Variants in MLLT6 observed in about 807,000 individuals in gnomAD.
The protein encoded by MLLT6 is MLLT6, PHD finger containing, also known as protein AF-17.
Under a neutral mutation model 103.0 loss-of-function variants are expected in MLLT6, and 22 were observed. The ratio of observed to expected loss-of-function variants is 0.21; its 90% CI spans 0.15 to 0.31. The LOEUF (loss-of-function observed/expected upper bound fraction) is 0.31. Ranked by LOEUF, MLLT6 falls within the 10% of genes least tolerant of loss-of-function variation. MLLT6 has a pLI of 1.00. For missense variants in MLLT6, 1,199 were observed against 1,441.7 expected, an observed-to-expected ratio of 0.83 and a Z score of 2.73; for synonymous variants, 606 against 623.5, an observed-to-expected ratio of 0.97 and a Z score of 0.42.
rs1906043229 is a variant in MLLT6, at chr17:38,726,560, TAACA to T, written c.*967_*970del. The T allele has an allele frequency of 4.3e-6, 1 of 233,580 alleles. No homozygotes were observed. The highest frequency in any genetic ancestry group is 8.5e-6 in the Non-Finnish European group (1 of 118,080). The allele number at this position is 233,580 out of a possible 1,614,324, so 14.5% of individuals were successfully genotyped here. ...GTCCCTCTCTGGGGGCATGAATGGT[TAACA>T]AACACCAGAGCAGTACTCCAATATT... On this transcript the variant is annotated 3_prime_UTR_variant, in exon 20 of 20. Transcript: ENST00000621332.
At chr17:38,720,287 G>A in intron 14 of MLLT6, 85 bp from the exon 15 acceptor site, 8 of 1,311,714 alleles carry the variant, frequency 6.1e-6, no homozygotes, top group Non-Finnish European at 8.3e-6. Flanking sequence ...GCTGAGCACT[G>A]GCTCCCCTCC....
intron 8 of MLLT6, chr17:38,715,307 C>G (rs1905287336): frequency 2.9e-6 from 1 of 349,520 alleles, no homozygotes; most frequent in African/African-American, 2.1e-5. Flanking sequence ...GAGTAAATCT[C>G]TTCAGACTCT....
intron 8 of MLLT6, among the ~76,000 whole-genome samples, chr17:38,714,957 G>A (rs1237299530): frequency 6.6e-6 from 1 of 152,152 alleles, no homozygotes; most frequent in African/African-American, 2.4e-5. Flanking sequence ...GGAAATAAGG[G>A]GACAGAATGT....
rs146464000 is a variant in MLLT6 at position 38,711,996 on chromosome 17, C to T, written c.702C>T (p.His234=). 3,581 of 1,590,304 alleles carry T rather than the reference C, an allele frequency of 2.3e-3. 80 individuals are homozygous for T. In the African/African-American group the frequency reaches 0.043, roughly 19 times the overall value. Residue 234 remains histidine, a synonymous_variant, in exon 7 of 20, where the codon CAC becomes CAT. Transcript: ENST00000621332. The part of the protein sequence containing the change: ...STQQEKHPTH[H]ERGQKKSRKD... The stretch of plus-strand genomic sequence containing the variant: ...AGCAGGAGAAGCACCCCACCCACCA[C>T]GAGAGGGGCCAGAAGAAGGTAGAAG...
intron 7 of MLLT6, 52 bp from the exon 8 acceptor site, chr17:38,712,639 C>T (rs1460175135): frequency 1.6e-6 from 2 of 1,220,682 alleles, no homozygotes; most frequent in African/African-American, 1.5e-5. Context: ...TCATGTTTGT[C>T]CTCGCCCAGA....
At position 38,724,603 on chromosome 17, in the gene MLLT6, G is replaced by A. The variant is rs376779156; in HGVS notation, c.2884-17G>A. Reference sequence around the variant, plus strand: ...CCCCGGGACTGTTGGCCAACAAGCGGTCTGGCCCCCTTGCAGGAACACCAG... The same window carrying A: ...CCCCGGGACTGTTGGCCAACAAGCGATCTGGCCCCCTTGCAGGAACACCAG... On this transcript the variant is annotated splice_polypyrimidine_tract_variant and intron_variant, in intron 18 of 19. Coordinates refer to ENST00000621332, the MANE Select transcript of MLLT6 (RefSeq NM_005937.4). This position sits in a 1 kb window ranked among gnomAD's most constrained non-coding sequence, Gnocchi z 5.4. 1.2e-5 allele frequency: 18 copies of A among 1,562,582 alleles called. No homozygotes were observed. The highest frequency in any genetic ancestry group is 1.4e-5 in the Non-Finnish European group (16 of 1,149,600).
chr17:38,716,778 G>A lies in MLLT6; in HGVS notation c.1448G>A (p.Gly483Asp). 6.2e-7 allele frequency: 1 copy of A among 1,610,314 alleles called. No homozygotes were observed. Among genetic ancestry groups the A allele is most frequent in the South Asian group, 1.1e-5 (1 of 90,508 alleles). ...RSRHGPGRPK[G>D]SRNKEGTGGP... ...CGCCATGGGCCAGGCCGTCCCAAGG[G>A]CAGCCGGAACAAGGAGGGCACTGGG... The change falls in exon 10 of 20, where the codon GGC becomes GAC. Residue 483 changes from glycine to aspartate, a missense_variant. Transcript: ENST00000621332. This position sits in a 1 kb window ranked among gnomAD's most constrained non-coding sequence, Gnocchi z 5.6.
chr17:38,716,306 G>A lies in MLLT6; in HGVS notation c.1037-61G>A. ...GAGCTCTCTCCCGCCAGTACACGCG[G>A]GAGTGGGAGGGAGTGCGGGGATCTG... is the stretch of plus-strand genomic sequence containing the variant. On this transcript the variant is annotated intron_variant, in intron 9 of 19. Coordinates refer to ENST00000621332, the MANE Select transcript of MLLT6 (RefSeq NM_005937.4). The surrounding 1 kb of genome is among the most constrained non-coding windows in gnomAD (Gnocchi z 5.6). 1 of 1,534,530 alleles carries A rather than the reference G, an allele frequency of 6.5e-7. No individual in the cohort carries two copies. The highest frequency in any genetic ancestry group is 8.8e-7 in the Non-Finnish European group (1 of 1,130,764).
At chr17:38,714,122 C>A (rs1905235785) in intron 8 of MLLT6, 1 of 152,192 alleles carries the variant, frequency 6.6e-6, no homozygotes, top group Non-Finnish European at 1.5e-5. Flanking sequence ...ATTTAATACT[C>A]AAAATAATCC....
In MLLT6 at chr17:38,717,425, C is replaced by T. The variant is rs1597996309; in HGVS notation, c.1652-7C>T. The T allele has an allele frequency of 1.3e-6, 2 of 1,579,224 alleles. No individual in the cohort carries two copies. Among genetic ancestry groups the T allele is most frequent in the Non-Finnish European group, 1.7e-6 (2 of 1,160,316 alleles). ...CCACGTGCTTCCCTCTGTCCTTGTG[C>T]CTGCAGGCATCTACACCAGTAATAA... On this transcript the variant is annotated splice_polypyrimidine_tract_variant and splice_region_variant and intron_variant, in intron 10 of 19. Coordinates refer to ENST00000621332, the MANE Select transcript of MLLT6 (RefSeq NM_005937.4).
rs1481051507 is a variant in MLLT6, at chr17:38,724,881, G to A, written c.3145G>A (p.Ala1049Thr). The change falls in exon 19 of 20, where the codon GCA becomes ACA. Residue 1049 changes from alanine (A) to threonine (T), a missense_variant. Ala to Thr is a moderately conservative substitution (Grantham distance 58). Around this residue, in one of 7 missense-constraint regions of MLLT6, gnomAD observed 55 missense variants for 93.3 expected, o/e 0.59. Transcript: ENST00000621332. This position sits in a 1 kb window ranked among gnomAD's most constrained non-coding sequence, Gnocchi z 5.4. ...CGCAGCAGCTGCAGCTGCAGCAGTA[G>A]CAGCAGCAGGCGGACCTCCAGTCCT... Reference protein sequence around the residue: ...MAAAAAAAAVAAAGGPPVLTA... With the variant: ...MAAAAAAAAVTAAGGPPVLTA... 1 of 1,558,452 alleles carries A rather than the reference G, an allele frequency of 6.4e-7. No individual in the cohort carries two copies. Among genetic ancestry groups the A allele is most frequent in the Admixed American group, 1.9e-5 (1 of 52,196 alleles).
Position 38,728,173 on chromosome 17 carries a change from C to T in MLLT6, c.*2575C>T, listed in dbSNP as rs1331101584. The T allele has an allele frequency of 4.3e-6, 1 of 233,220 alleles. No individual in the cohort carries two copies. The highest frequency in any genetic ancestry group is 8.5e-6 in the Non-Finnish European group (1 of 118,126). The allele number at this position is 233,220 out of a possible 1,614,324, so 14.4% of individuals were successfully genotyped here. ...GGGTATGAACGGGTGCAGCCCTCTT[C>T]TCCTCTTCCCCCCCACATCTCTCAT... is the stretch of plus-strand genomic sequence containing the variant. On this transcript the variant is annotated 3_prime_UTR_variant, in exon 20 of 20. Transcript: ENST00000621332.
chr17:38,706,940 C>A lies in MLLT6; in HGVS notation c.110-10C>A. 6.2e-7 allele frequency: 1 copy of A among 1,603,384 alleles called. No homozygotes were observed. ...CAGCTTTGCTCAGCGACTGTCCTCCCCACCCTCAGCTTGCTATGGCATCGT... is the reference window on the plus strand; with the variant it reads ...CAGCTTTGCTCAGCGACTGTCCTCCACACCCTCAGCTTGCTATGGCATCGT... On this transcript the variant is annotated splice_polypyrimidine_tract_variant and intron_variant, in intron 1 of 19. Coordinates refer to ENST00000621332, the MANE Select transcript of MLLT6 (RefSeq NM_005937.4).
In MLLT6 at chr17:38,717,889, C is replaced by T. The variant is rs1184499696; in HGVS notation, c.1878C>T (p.His626=). The T allele has an allele frequency of 1.2e-6, 2 of 1,614,112 alleles. No individual in the cohort carries two copies. Among genetic ancestry groups the T allele is most frequent in the Non-Finnish European group, 1.7e-6 (2 of 1,179,940 alleles). ...CTACCTTTAGCCTCCCTTCTACCCA[C>T]ATCTTTGGAACCCCCATGGGTGCCG... ...AGSTFSLPST[H]IFGTPMGAVN... is the part of the protein sequence containing the mutation. The change falls in exon 12 of 20, where the codon CAC becomes CAT. Residue 626 remains histidine, a synonymous_variant. Transcript: ENST00000621332.
chr17:38,719,434 C>A, intron 12 of MLLT6, 83 bp from the exon 13 acceptor site: 1 of 1,221,730 alleles, frequency 8.2e-7, no homozygotes, highest in Non-Finnish European at 1.2e-6. Context: ...CGGTGAGGTC[C>A]CAATCCCATA....
In MLLT6 at chr17:38,728,150, G is replaced by A. The variant is rs944542758; in HGVS notation, c.*2552G>A. 4 of 233,212 alleles carry A rather than the reference G, an allele frequency of 1.7e-5. No homozygotes were observed. Among genetic ancestry groups the A allele is most frequent in the Non-Finnish European group, 3.4e-5 (4 of 118,098 alleles). The allele number at this position is 233,212 out of a possible 1,614,324, so 14.4% of individuals were successfully genotyped here. ...GATTTGAAGACGGGGCCCAGGCTGGGTATGAACGGGTGCAGCCCTCTTCTC... is the reference window on the plus strand; with the variant it reads ...GATTTGAAGACGGGGCCCAGGCTGGATATGAACGGGTGCAGCCCTCTTCTC... On this transcript the variant is annotated 3_prime_UTR_variant, in exon 20 of 20. Transcript: ENST00000621332.
chr17:38,712,614 C>T (rs1905181896), intron 7 of MLLT6, 77 bp from the exon 8 acceptor site: 6 of 946,460 alleles, frequency 6.3e-6, no homozygotes, highest in Non-Finnish European at 1.0e-5. Context: ...GGTGTCAGCT[C>T]CCCATACCCA....
Position 38,717,460 on chromosome 17 carries a change from C to G in MLLT6, c.1680C>G (p.Ile560Met). 1 of 1,610,464 alleles carries G rather than the reference C, an allele frequency of 6.2e-7. No individual in the cohort carries two copies. The highest frequency in any genetic ancestry group is 8.5e-7 in the Non-Finnish European group (1 of 1,178,150). Reference sequence around the variant, plus strand: ...TCTACACCAGTAATAAGGACCCCATCTCCCACAGTGGCGGGATGCTGCGGG... The same window carrying G: ...TCTACACCAGTAATAAGGACCCCATGTCCCACAGTGGCGGGATGCTGCGGG... ...AGIYTSNKDP[I>M]SHSGGMLRAV... Residue 560 changes from isoleucine (I) to methionine (M), a missense_variant, in exon 11 of 20, where the codon ATC becomes ATG. This residue lies in a region of MLLT6 where 1,034 missense variants were observed against 1,091.5 expected (regional missense o/e 0.95). Coordinates refer to ENST00000621332, the MANE Select transcript of MLLT6 (RefSeq NM_005937.4).
In MLLT6 at chr17:38,709,613, G is replaced by A. The variant is rs1490280606; in HGVS notation, c.552+38G>A. The stretch of plus-strand genomic sequence containing the variant: ...GACCAGCGCATGAGCGGGTCAGTCA[G>A]CTGTGGTAAGATGGTTAGAGGGCAT... On this transcript the variant is annotated intron_variant, in intron 6 of 19. Coordinates refer to ENST00000621332, the MANE Select transcript of MLLT6 (RefSeq NM_005937.4). The surrounding 1 kb of genome is among the most constrained non-coding windows in gnomAD (Gnocchi z 4.3). 4.6e-6 allele frequency: 7 copies of A among 1,526,448 alleles called. No homozygotes were observed. Among genetic ancestry groups the A allele is most frequent in the Non-Finnish European group, 6.4e-6 (7 of 1,101,700 alleles). The allele number at this position is 1,526,448 out of a possible 1,614,324, so 94.6% of individuals were successfully genotyped here.
Sources: gnomAD v4.1 joint callset for allele counts (sites outside exome capture counted in the v4.1 genomes callset) on GRCh38, gnomAD v4.1.1 for gene constraint, gnomAD v4.1.1 regional missense constraint, Gnocchi (gnomAD v3.1) non-coding constraint, MANE v1.5 for transcripts, NCBI Gene and HGNC (gene_info 2026-07-23, HGNC 2026-07-21) for gene names.